The following ADGRV1 variants were observed in gnomAD, a reference collection of about 807,000 sequenced individuals.
ADGRV1 encodes adhesion G protein-coupled receptor V1.
Under a neutral mutation model 596.2 loss-of-function variants are expected in ADGRV1, and 359 were observed. The ratio of observed to expected loss-of-function variants is 0.60; its 90% CI spans 0.55 to 0.66. The LOEUF (loss-of-function observed/expected upper bound fraction) is 0.66, where lower values mean the gene tolerates loss of function less well. Ranked by LOEUF, ADGRV1 falls within the 30% of genes least tolerant of loss-of-function variation. The probability of loss-of-function intolerance (pLI) is 0.00; values close to 1 mark genes in which losing one functional copy is unlikely to be tolerated. For missense variants in ADGRV1, 7,274 were observed against 7,575.6 expected (o/e 0.96, Z 1.48); for synonymous variants, 2,681 against 2,679.2 (o/e 1.00, Z -0.02).
rs1396519232 is a variant in ADGRV1 at position 90,712,846 on chromosome 5, CTG to C, written c.9184+420_9184+421del. On this transcript the variant is annotated intron_variant, in intron 42 of 89. Coordinates refer to ENST00000405460, the MANE Select transcript of ADGRV1 (RefSeq NM_032119.4). The stretch of plus-strand genomic sequence containing the variant: ...AGGAACTCCTTTAGTGTCATCTACT[CTG>C]TAGTATTTCCGCATAGTGTTGAGGT... 9.9e-5 allele frequency among the ~76,000 whole-genome samples: 15 copies of C among 152,158 alleles called. 1 individual carries two copies. In the East Asian group the frequency reaches 2.9e-3, roughly 29 times the overall value.
chr5:91,153,102 T>C, intron 88 of ADGRV1, 119 bp from the exon 89 acceptor site: 1 of 727,400 alleles, frequency 1.4e-6, no homozygotes, highest in South Asian at 2.1e-5. Flanking sequence ...ACAATGCCAC[T>C]GCCGTTTAGC....
rs1030855602 is a variant in ADGRV1 at position 90,638,645 on chromosome 5, G to T, written c.2240+697G>T. 5.3e-5 allele frequency among the ~76,000 whole-genome samples: 8 copies of T among 151,818 alleles called. No homozygotes were observed. The South Asian group carries it at 1.7e-3, about 32-fold the overall frequency. On this transcript the variant is annotated intron_variant, in intron 11 of 89. Coordinates refer to ENST00000405460, the MANE Select transcript of ADGRV1 (RefSeq NM_032119.4). ...AGAATCAGTCTTATCCCTAACACAAGTCTCTTTATATGAAAGTTGATTCAT... is the reference window on the plus strand; with the variant it reads ...AGAATCAGTCTTATCCCTAACACAATTCTCTTTATATGAAAGTTGATTCAT...
At chr5:90,654,433 G>T in intron 20 of ADGRV1, 1 of 184,900 alleles carries the variant, frequency 5.4e-6, no homozygotes, top group Non-Finnish European at 1.1e-5. Flanking sequence ...GAATCACAGT[G>T]AAAAGTGATT....
intron 83 of ADGRV1, among the ~76,000 whole-genome samples, chr5:90,958,283 C>CAAAAAAAA (rs34676985): frequency 6.9e-5 from 5 of 72,798 alleles, no homozygotes; most frequent in Non-Finnish European, 1.3e-4. Flanking sequence ...GACCTTGTCT[C>CAAAAAAAA]AAAAAAAAAA....
intron 79 of ADGRV1, chr5:90,850,734 A>G (rs1766402216): frequency 6.6e-6 from 1 of 152,192 alleles, no homozygotes; most frequent in African/African-American, 2.4e-5. Context: ...TGAACCATCT[A>G]CCTTGCTGTG....
chr5:90,789,644 C>T, intron 68 of ADGRV1, 58 bp from the exon 69 acceptor site: 1 of 1,044,648 alleles, frequency 9.6e-7, no homozygotes, highest in Non-Finnish European at 1.4e-6. Flanking sequence ...ATGTTGGATA[C>T]TATAATTTCA....
At chr5:90,787,805 G>T (rs1156635365) in intron 67 of ADGRV1, among the ~76,000 whole-genome samples, 1 of 151,790 alleles carries the variant, frequency 6.6e-6, no homozygotes, top group East Asian at 1.9e-4. Flanking sequence ...TGGCCAGGTT[G>T]GTCTCAAACT....
At chr5:90,793,918 G>A (rs999261197) in intron 70 of ADGRV1, among the ~76,000 whole-genome samples, 3 of 152,120 alleles carry the variant, frequency 2.0e-5, no homozygotes, top group African/African-American at 7.2e-5. Context: ...GTGTAAGACT[G>A]CACATAGATT....
At chr5:91,042,234 A>G (rs1785422644) in intron 85 of ADGRV1, among the ~76,000 whole-genome samples, 1 of 152,236 alleles carries the variant, frequency 6.6e-6, no homozygotes, top group South Asian at 2.1e-4. Context: ...TATCTTAAAT[A>G]ATAAAAACAA....
intron 83 of ADGRV1, among the ~76,000 whole-genome samples, chr5:90,940,777 G>A (rs1024358564): frequency 2.0e-5 from 3 of 152,140 alleles, no homozygotes; most frequent in African/African-American, 7.2e-5. Context: ...AAAGAGGTGG[G>A]ACCAGCACAG....
At chr5:91,054,102 TGA>T (rs3079380) in intron 85 of ADGRV1, among the ~76,000 whole-genome samples, 1,551 of 126,428 alleles carry the variant, frequency 0.012, 19 homozygotes, top group East Asian at 0.055. Context: ...TGTGTGTGTG[TGA>T]GAGAGAGAGA....
At chr5:90,738,937 T>A (rs2149873312) in intron 50 of ADGRV1, among the ~76,000 whole-genome samples, 1 of 152,270 alleles carries the variant, frequency 6.6e-6, no homozygotes, top group Middle Eastern at 3.4e-3. Context: ...ACAGCTTAGT[T>A]CTCTTGATTG....
chr5:91,067,336 T>A (rs1787972321), intron 85 of ADGRV1, among the ~76,000 whole-genome samples: 1 of 151,980 alleles, frequency 6.6e-6, no homozygotes, highest in Non-Finnish European at 1.5e-5. Flanking sequence ...AGAGAAGGGG[T>A]TTCTCCATGT....
intron 85 of ADGRV1, among the ~76,000 whole-genome samples, chr5:90,994,839 C>T (rs1781280333): frequency 6.6e-6 from 1 of 152,204 alleles, no homozygotes; most frequent in African/African-American, 2.4e-5. Flanking sequence ...AATGATTGAA[C>T]AGAGATTTCC....
intron 1 of ADGRV1, among the ~76,000 whole-genome samples, chr5:90,576,220 C>G (rs922234663): frequency 6.6e-6 from 1 of 151,988 alleles, no homozygotes; most frequent in Non-Finnish European, 1.5e-5. Context: ...CCCATCAACC[C>G]GTCATTTACA....
At chr5:90,992,312 G>A (rs569466570) in intron 85 of ADGRV1, among the ~76,000 whole-genome samples, 1 of 152,084 alleles carries the variant, frequency 6.6e-6, no homozygotes, top group African/African-American at 2.4e-5. Context: ...TATACAATTT[G>A]TTCTGCTAAT....
chr5:90,749,803 A>G (rs1231227711), intron 52 of ADGRV1, among the ~76,000 whole-genome samples: 1 of 152,228 alleles, frequency 6.6e-6, no homozygotes, highest in East Asian at 1.9e-4. Context: ...GTGTAGTCAC[A>G]CAGAAACAGA....
At position 91,153,213 on chromosome 5, in the gene ADGRV1, C is replaced by G; in HGVS notation, c.18625-8C>G. On this transcript the variant is annotated splice_polypyrimidine_tract_variant and splice_region_variant and intron_variant, in intron 88 of 89. Transcript: ENST00000405460. ...GGTTTCTTTTTCCCCCCATCCCAAT[C>G]TAAAAAGGTGCCACCTGACTGGGAG... 6.3e-7 allele frequency: 1 copy of G among 1,597,412 alleles called. No homozygotes were observed. The highest frequency in any genetic ancestry group is 8.5e-7 in the Non-Finnish European group (1 of 1,171,452).
chr5:90,752,322 A>T (rs965687980), intron 53 of ADGRV1, among the ~76,000 whole-genome samples: 5 of 152,128 alleles, frequency 3.3e-5, no homozygotes, highest in Non-Finnish European at 7.3e-5. Context: ...TTTTAAGTTC[A>T]GGGGTACCTA....
Sources: gnomAD v4.1 joint callset for allele counts (sites outside exome capture counted in the v4.1 genomes callset) on GRCh38, gnomAD v4.1.1 for gene constraint, MANE v1.5 for transcripts, NCBI Gene and HGNC (gene_info 2026-07-23, HGNC 2026-07-21) for gene names.